Variants in TSHZ2 observed in about 807,000 individuals in gnomAD.
The protein encoded by TSHZ2 is teashirt homolog 2.
TSHZ2 carries 21 observed loss-of-function variants against 74.4 expected under a neutral mutation model. The ratio of observed to expected loss-of-function variants is 0.28; its 90% CI spans 0.20 to 0.41. The LOEUF is 0.41. TSHZ2 is among the 10% of genes least tolerant of loss of function. The pLI, the probability that TSHZ2 is intolerant of heterozygous loss-of-function variation, is 1.00. For missense variants in TSHZ2, 1,244 were observed against 1,293.5 expected, an observed-to-expected ratio of 0.96 and a Z score of 0.59; for synonymous variants, 540 against 515.3, an observed-to-expected ratio of 1.05 and a Z score of -0.65.
intron 2 of TSHZ2, among the ~76,000 whole-genome samples, chr20:53,315,736 T>A (rs555848195): frequency 8.1e-4 from 123 of 152,330 alleles, no homozygotes; most frequent in African/African-American, 2.9e-3. Flanking sequence ...GGCGCTCTCA[T>A]GGAGCTGATG....
chr20:53,106,354 AC>A (rs1371853258), intron 1 of TSHZ2, among the ~76,000 whole-genome samples: 11 of 142,666 alleles, frequency 7.7e-5, no homozygotes, highest in African/African-American at 2.9e-4. Context: ...TATGTCACTT[AC>A]CATAAATTAT....
intron 2 of TSHZ2, among the ~76,000 whole-genome samples, chr20:53,486,266 A>T (rs562760671): frequency 9.3e-4 from 141 of 152,348 alleles, no homozygotes; most frequent in Non-Finnish European, 1.5e-3. Flanking sequence ...CGTCGCATGT[A>T]CATATCACAT....
chr20:53,090,824 C>T (rs1436533284), intron 1 of TSHZ2, among the ~76,000 whole-genome samples: 1 of 152,180 alleles, frequency 6.6e-6, no homozygotes, highest in African/African-American at 2.4e-5. Context: ...AGCTTCAAGC[C>T]TGTGTGGATT....
At chr20:53,152,608 G>C (rs972232209) in intron 1 of TSHZ2, among the ~76,000 whole-genome samples, 6 of 152,178 alleles carry the variant, frequency 3.9e-5, no homozygotes, top group African/African-American at 1.4e-4. Context: ...TTTAACTGTT[G>C]TCATTTATTA....
At chr20:53,209,613 A>C (rs1352737967) in intron 1 of TSHZ2, among the ~76,000 whole-genome samples, 1 of 152,250 alleles carries the variant, frequency 6.6e-6, no homozygotes, top group Non-Finnish European at 1.5e-5. Context: ...CTGAGGTTTT[A>C]AGAGTGCTAA....
At chr20:52,980,963 C>CT (rs1163369308) in intron 1 of TSHZ2, among the ~76,000 whole-genome samples, 1 of 152,152 alleles carries the variant, frequency 6.6e-6, no homozygotes, top group Non-Finnish European at 1.5e-5. Flanking sequence ...ATATGAATAG[C>CT]TTCTGGGCCA....
At chr20:53,420,632 G>A (rs1983435754) in intron 2 of TSHZ2, among the ~76,000 whole-genome samples, 1 of 152,126 alleles carries the variant, frequency 6.6e-6, no homozygotes, top group South Asian at 2.1e-4. Context: ...ACTACTGGGA[G>A]TAGTAGTCCT....
chr20:53,147,090 T>G (rs1189043528), intron 1 of TSHZ2, among the ~76,000 whole-genome samples: 1 of 152,110 alleles, frequency 6.6e-6, no homozygotes, highest in African/African-American at 2.4e-5. Flanking sequence ...TTGTGCCCAA[T>G]GTATTAATTA....
chr20:52,974,618 A>G (rs897780708), intron 1 of TSHZ2, among the ~76,000 whole-genome samples: 1 of 152,226 alleles, frequency 6.6e-6, no homozygotes, highest in Non-Finnish European at 1.5e-5. Flanking sequence ...CTAGCAAAAC[A>G]TAGGGAGAAG....
At chr20:53,065,664 GA>G (rs1984960599) in intron 1 of TSHZ2, among the ~76,000 whole-genome samples, 2 of 152,178 alleles carry the variant, frequency 1.3e-5, no homozygotes, top group South Asian at 4.1e-4. Context: ...AGGGGGCGTG[GA>G]AATCTTGCTG....
At chr20:53,295,545 T>C (rs1238645951) in intron 2 of TSHZ2, among the ~76,000 whole-genome samples, 1 of 152,216 alleles carries the variant, frequency 6.6e-6, no homozygotes, top group African/African-American at 2.4e-5. Flanking sequence ...TTGTACTTTT[T>C]GCCATATCTG....
chr20:53,393,429 T>C (rs1982332737), intron 2 of TSHZ2, among the ~76,000 whole-genome samples: 1 of 152,246 alleles, frequency 6.6e-6, no homozygotes, highest in Non-Finnish European at 1.5e-5. Context: ...CTGTCTGAGC[T>C]TCAGCTCACT....
chr20:53,431,476 A>C (rs1009926956), intron 2 of TSHZ2, among the ~76,000 whole-genome samples: 3 of 151,614 alleles, frequency 2.0e-5, no homozygotes, highest in African/African-American at 4.8e-5. Context: ...AAAAAAGAAG[A>C]AGAAGAAGAA....
intron 2 of TSHZ2, among the ~76,000 whole-genome samples, chr20:53,434,126 T>C (rs1348963863): frequency 6.6e-6 from 1 of 152,134 alleles, no homozygotes; most frequent in African/African-American, 2.4e-5. Flanking sequence ...CTACTCGGCC[T>C]CCCAAAGTGC....
intron 1 of TSHZ2, among the ~76,000 whole-genome samples, chr20:53,136,963 A>G (rs1183634392): frequency 6.6e-6 from 1 of 152,166 alleles, no homozygotes; most frequent in Admixed American, 6.5e-5. Context: ...TGAAGAAAAG[A>G]GATGATCGGT....
At chr20:53,447,235 C>A (rs1984589611) in intron 2 of TSHZ2, among the ~76,000 whole-genome samples, 1 of 152,188 alleles carries the variant, frequency 6.6e-6, no homozygotes, top group Non-Finnish European at 1.5e-5. Flanking sequence ...GTTCCCCCTC[C>A]AAGAATTCCT....
intron 2 of TSHZ2, among the ~76,000 whole-genome samples, chr20:53,377,518 G>T (rs905420676): frequency 1.5e-4 from 23 of 152,126 alleles, no homozygotes; most frequent in African/African-American, 5.6e-4. Context: ...TCAAGGCTTT[G>T]CTGTCTCTGT....
At chr20:53,438,608 G>A (rs1009348249) in intron 2 of TSHZ2, among the ~76,000 whole-genome samples, 6 of 152,180 alleles carry the variant, frequency 3.9e-5, no homozygotes, top group Admixed American at 1.3e-4. Context: ...CTTGGAAGTG[G>A]GGTGAGCCCT....
chr20:53,346,565 G>C (rs1980446854), intron 2 of TSHZ2, among the ~76,000 whole-genome samples: 1 of 152,184 alleles, frequency 6.6e-6, no homozygotes, highest in African/African-American at 2.4e-5. Context: ...CTTCTCTAGG[G>C]CTATTCGAAG....
Sources: gnomAD v4.1 joint callset for allele counts (sites outside exome capture counted in the v4.1 genomes callset) on GRCh38, gnomAD v4.1.1 for gene constraint, MANE v1.5 for transcripts, NCBI Gene and HGNC (gene_info 2026-07-23, HGNC 2026-07-21) for gene names.